HEG1: variants seen among roughly 807,000 people sequenced by gnomAD.
HEG1 encodes the protein heart development protein with EGF like domains 1, also known as protein HEG homolog 1.
Under a neutral mutation model 125.6 loss-of-function variants are expected in HEG1, and 56 were observed. That is an observed-to-expected ratio of 0.45 (90% CI 0.36 to 0.56). The LOEUF (loss-of-function observed/expected upper bound fraction) is 0.56. HEG1 is among the 20% of genes least tolerant of loss of function. HEG1 has a pLI of 0.00. For missense variants in HEG1, 1,523 were observed against 1,670.0 expected (o/e 0.91, Z 1.53); for synonymous variants, 644 against 668.5 (o/e 0.96, Z 0.57).
chr3:125,000,598 CT>C (rs1210356098), intron 11 of HEG1, among the ~76,000 whole-genome samples: 3,663 of 145,720 alleles, frequency 0.025, 123 homozygotes, highest in African/African-American at 0.083. Flanking sequence ...GAAAGTTTAG[CT>C]TTTTTTTTTT....
chr3:125,047,132 G>A lies in HEG1; in HGVS notation c.316+8443C>T, dbSNP rs185073571. Among the ~76,000 whole-genome samples the A allele has an allele frequency of 2.2e-3, 333 of 152,358 alleles. 2 individuals are homozygous for A. The highest frequency in any genetic ancestry group is 3.1e-3 in the Non-Finnish European group (211 of 68,028). On this transcript the variant is annotated intron_variant, in intron 1 of 16. Transcript: ENST00000311127. ...ATACCAAGGGGTGAGGTTGGCAGGG[G>A]TCCAACGAGGGGAAGACCAGTTAAC...
chr3:125,006,805 C>A (rs1937076933), intron 8 of HEG1, among the ~76,000 whole-genome samples: 3 of 152,332 alleles, frequency 2.0e-5, no homozygotes, highest in Admixed American at 2.0e-4. Context: ...AGCTGTGCTA[C>A]CTGTGGAACC....
chr3:125,011,368 A>C (rs1474535976), intron 6 of HEG1, among the ~76,000 whole-genome samples: 1 of 152,238 alleles, frequency 6.6e-6, no homozygotes, highest in Non-Finnish European at 1.5e-5. Flanking sequence ...TTATATAGCC[A>C]AACACTAACC....
chr3:125,041,228 A>C (rs1450209508), intron 1 of HEG1, among the ~76,000 whole-genome samples: 1 of 152,134 alleles, frequency 6.6e-6, no homozygotes, highest in Non-Finnish European at 1.5e-5. Context: ...ATTCTGGCCA[A>C]AGTTACCTGG....
rs1937930991 is a variant in HEG1, at chr3:125,055,898, G to A, written c.-8C>T. On this transcript the variant is annotated 5_prime_UTR_variant, in exon 1 of 17. Coordinates refer to ENST00000311127, the MANE Select transcript of HEG1 (RefSeq NM_020733.2). ...GGCGCGCGGCGAGGCCATGGTGACG[G>A]CGCCCGCCCGCGCTCACATGCCCGG... is the stretch of plus-strand genomic sequence containing the variant. 2.0e-6 allele frequency: 2 copies of A among 980,264 alleles called. No homozygotes were observed. The highest frequency in any genetic ancestry group is 6.4e-5 in the Admixed American group (1 of 15,746). The allele number at this position is 980,264 out of a possible 1,614,324, so 60.7% of individuals were successfully genotyped here.
chr3:124,970,511 C>T lies in HEG1; in HGVS notation c.*141G>A, dbSNP rs758583482. The T allele has an allele frequency of 7.9e-5, 53 of 673,110 alleles. No homozygotes were observed. The highest frequency in any genetic ancestry group is 1.2e-4 in the Non-Finnish European group (46 of 399,414). 41.7% of individuals were successfully genotyped at this position (673,110 alleles called of 1,614,324 possible). ...CCACCTGTCTCCTCCACTGTGGTCA[C>T]GCCCCGCATGCCTGTCCCTCTTCCT... On this transcript the variant is annotated 3_prime_UTR_variant, in exon 17 of 17. Coordinates refer to ENST00000311127, the MANE Select transcript of HEG1 (RefSeq NM_020733.2).
rs1227316659 is a variant in HEG1 at position 125,013,956 on chromosome 3, T to C, written c.1623A>G (p.Thr541=). Residue 541 remains threonine (T), a synonymous_variant, in exon 6 of 17, where the codon ACA becomes ACG. Transcript: ENST00000311127. The part of the protein sequence containing the change: ...AGISYGQVRG[T]AIEQRTSSDH... ...CGCTGGAAGTCCTTTGTTCAATAGCTGTGCCACGCACTTGACCGTAGCTAA... is the reference window on the plus strand; with the variant it reads ...CGCTGGAAGTCCTTTGTTCAATAGCCGTGCCACGCACTTGACCGTAGCTAA... The C allele has an allele frequency of 3.1e-6, 5 of 1,612,420 alleles. No homozygotes were observed. The African/African-American group carries it at 5.3e-5, about 17-fold the overall frequency.
At chr3:125,017,321 C>T (rs1183183362) in intron 5 of HEG1, among the ~76,000 whole-genome samples, 1 of 152,236 alleles carries the variant, frequency 6.6e-6, no homozygotes, top group Non-Finnish European at 1.5e-5. Flanking sequence ...TCCCAAAGTG[C>T]TGGGATTACA....
chr3:125,002,273 T>C lies in HEG1; in HGVS notation c.3340A>G (p.Thr1114Ala), dbSNP rs1937012389. Residue 1114 changes from threonine (T) to alanine (A), a missense_variant, in exon 10 of 17, where the codon ACA becomes GCA. Thr to Ala is a moderately conservative substitution (Grantham distance 58, BLOSUM62 0). Coordinates refer to ENST00000311127, the MANE Select transcript of HEG1 (RefSeq NM_020733.2). The part of the protein sequence containing the change: ...FSALPSYIRS[T>A]VHASRESNAV... Reference sequence around the variant, plus strand: ...GTTACTTACCTAGAGGCGTGAACTGTAGATCGGATGTAACTAGGTAACGCT... The same window carrying C: ...GTTACTTACCTAGAGGCGTGAACTGCAGATCGGATGTAACTAGGTAACGCT... 1 of 1,613,574 alleles carries C rather than the reference T, an allele frequency of 6.2e-7. No homozygotes were observed. The highest frequency in any genetic ancestry group is 8.5e-7 in the Non-Finnish European group (1 of 1,179,606).
At chr3:125,046,980 G>A (rs1471778755) in intron 1 of HEG1, among the ~76,000 whole-genome samples, 3 of 152,206 alleles carry the variant, frequency 2.0e-5, no homozygotes, top group African/African-American at 4.8e-5. Context: ...CTTTCTATGC[G>A]TTCATCTGGT....
intron 1 of HEG1, among the ~76,000 whole-genome samples, chr3:125,031,041 G>A (rs966079042): frequency 6.6e-6 from 1 of 152,210 alleles, no homozygotes; most frequent in African/African-American, 2.4e-5. Context: ...GTGGCAAAGA[G>A]GGTATTAGTT....
chr3:125,055,721 T>A lies in HEG1; in HGVS notation c.170A>T (p.Glu57Val). 9.5e-7 allele frequency: 1 copy of A among 1,055,036 alleles called. No homozygotes were observed. The highest frequency in any genetic ancestry group is 1.1e-6 in the Non-Finnish European group (1 of 877,438). 65.4% of individuals were successfully genotyped at this position (1,055,036 alleles called of 1,614,324 possible). ...LAGAGLELQL[E>V]RRPEREPPPT... ...CGGCGGCTCGCGCTCCGGGCGGCGCTCCAGCTGCAGCTCCAGCCCCGCTCC... is the reference window on the plus strand; with the variant it reads ...CGGCGGCTCGCGCTCCGGGCGGCGCACCAGCTGCAGCTCCAGCCCCGCTCC... The change falls in exon 1 of 17, where the codon GAG becomes GTG. Residue 57 changes from glutamate (E) to valine (V), a missense_variant. By Grantham distance (121) the Glu-to-Val change is moderately radical. Coordinates refer to ENST00000311127, the MANE Select transcript of HEG1 (RefSeq NM_020733.2).
chr3:124,987,014 T>C, intron 14 of HEG1, among the ~76,000 whole-genome samples: 1 of 152,188 alleles, frequency 6.6e-6, no homozygotes, highest in East Asian at 1.9e-4. Context: ...CACTCTTCCA[T>C]TCGCTGAGAA....
At chr3:124,995,463 T>C (rs1484632023) in intron 12 of HEG1, among the ~76,000 whole-genome samples, 1 of 152,236 alleles carries the variant, frequency 6.6e-6, no homozygotes, top group Non-Finnish European at 1.5e-5. Flanking sequence ...TGTGTGTGTG[T>C]GCACGCACAC....
At position 124,967,544 on chromosome 3, in the gene HEG1, T is replaced by C. The variant is rs1936339083; in HGVS notation, c.*3108A>G. On this transcript the variant is annotated 3_prime_UTR_variant, in exon 17 of 17. Coordinates refer to ENST00000311127, the MANE Select transcript of HEG1 (RefSeq NM_020733.2). ...TAAGGTTCCTTAAAAAAATAACTTATCTTTAAAGCCCTTTCTCTCTTGCCC... is the reference window on the plus strand; with the variant it reads ...TAAGGTTCCTTAAAAAAATAACTTACCTTTAAAGCCCTTTCTCTCTTGCCC... 6.6e-6 allele frequency: 1 copy of C among 151,502 alleles called. No homozygotes were observed. Among genetic ancestry groups the C allele is most frequent in the Non-Finnish European group, 1.5e-5 (1 of 67,962 alleles). 9.4% of individuals were successfully genotyped at this position (151,502 alleles called of 1,614,324 possible). A position where few individuals can be genotyped will look rare whatever the true frequency, so the allele number is the denominator to read the frequency against.
chr3:125,053,443 A>T (rs768416842), intron 1 of HEG1, among the ~76,000 whole-genome samples: 3 of 152,196 alleles, frequency 2.0e-5, no homozygotes, highest in Non-Finnish European at 4.4e-5. Flanking sequence ...CCTTGGCCAT[A>T]TGAGTAGCTT....
intron 1 of HEG1, among the ~76,000 whole-genome samples, chr3:125,031,450 C>T (rs73860479): frequency 3.9e-4 from 59 of 152,276 alleles, no homozygotes; most frequent in African/African-American, 1.3e-3. Flanking sequence ...TCACTGATTA[C>T]GTGACTCCCT....
intron 14 of HEG1, among the ~76,000 whole-genome samples, chr3:124,988,330 G>T (rs1457697574): frequency 1.3e-5 from 2 of 152,124 alleles, no homozygotes; most frequent in Non-Finnish European, 2.9e-5. Context: ...CTGCCATCCA[G>T]ACTGTTTTAC....
intron 5 of HEG1, among the ~76,000 whole-genome samples, chr3:125,017,318 G>A (rs981766346): frequency 6.6e-6 from 1 of 152,212 alleles, no homozygotes; most frequent in South Asian, 2.1e-4. Context: ...ACCTCCCAAA[G>A]TGCTGGGATT....
Sources: allele counts gnomAD v4.1 joint callset (sites outside exome capture counted in the v4.1 genomes callset), GRCh38; gene constraint gnomAD v4.1.1; transcripts MANE v1.5; gene names NCBI Gene and HGNC (gene_info 2026-07-23, HGNC 2026-07-21).